C14orf39: variants seen among roughly 807,000 people sequenced by gnomAD.
C14orf39 encodes protein SIX6OS1.
A neutral mutation model predicts 85.6 loss-of-function variants in C14orf39; 66 were observed. That is an observed-to-expected ratio of 0.77 (90% confidence interval 0.63 to 0.95). The LOEUF (loss-of-function observed/expected upper bound fraction) is 0.95, where lower values mean the gene tolerates loss of function less well. Among genes scored for constraint, C14orf39 ranks in the 40% least tolerant of loss-of-function variants. The pLI is 0.00. For synonymous variants in C14orf39, 242 were observed against 214.0 expected, an observed-to-expected ratio of 1.13 and a Z score of -1.14; for missense variants, 735 against 663.9, an observed-to-expected ratio of 1.11 and a Z score of -1.18.
intron 1 of C14orf39, among the ~76,000 whole-genome samples, chr14:60,510,661 C>A (rs1175579761): frequency 7.9e-5 from 12 of 152,190 alleles, no homozygotes; most frequent in African/African-American, 2.9e-4. Flanking sequence ...AACGCGATCG[C>A]GGGAGCACTT....
At chr14:60,448,101 C>T (rs554223265) in intron 16 of C14orf39, among the ~76,000 whole-genome samples, 2 of 152,236 alleles carry the variant, frequency 1.3e-5, no homozygotes, top group East Asian at 3.9e-4. Context: ...TAGAAGAAAA[C>T]CTAGGCAATA....
At chr14:60,493,747 G>A (rs1232458974) in intron 2 of C14orf39, 1 of 152,082 alleles carries the variant, frequency 6.6e-6, no homozygotes, top group African/African-American at 2.4e-5. Context: ...TAAGAAAAAG[G>A]AAAACAGGAA....
chr14:60,450,531 T>A (rs2140051646), intron 16 of C14orf39, among the ~76,000 whole-genome samples: 1 of 152,298 alleles, frequency 6.6e-6, no homozygotes, highest in Non-Finnish European at 1.5e-5. Flanking sequence ...CTAAGGTTTT[T>A]GACTCCAATC....
chr14:60,439,566 C>T (rs772601089), intron 17 of C14orf39, among the ~76,000 whole-genome samples: 1 of 152,076 alleles, frequency 6.6e-6, no homozygotes, highest in African/African-American at 2.4e-5. Flanking sequence ...AATGGAGATA[C>T]CATCAGGGAC....
intron 1 of C14orf39, chr14:60,511,453 G>A (rs1893293726): frequency 1.5e-6 from 1 of 659,978 alleles, no homozygotes; most frequent in Non-Finnish European, 2.7e-6. Flanking sequence ...CGCGACCACG[G>A]GAACCAGCGG....
chr14:60,476,902 T>C (rs954022364), intron 5 of C14orf39, among the ~76,000 whole-genome samples: 4 of 152,162 alleles, frequency 2.6e-5, no homozygotes, highest in Non-Finnish European at 4.4e-5. Flanking sequence ...CCACACTGAT[T>C]ATATTTCCAC....
intron 1 of C14orf39, among the ~76,000 whole-genome samples, chr14:60,506,822 C>A (rs1893210021): frequency 6.6e-6 from 1 of 152,210 alleles, no homozygotes; most frequent in African/African-American, 2.4e-5. Flanking sequence ...CACGCAGAAG[C>A]TAAAGCGCCC....
chr14:60,477,257 T>C (rs893014617), intron 5 of C14orf39, among the ~76,000 whole-genome samples: 8 of 152,192 alleles, frequency 5.3e-5, no homozygotes, highest in Non-Finnish European at 8.8e-5. Context: ...TCTCATGTAT[T>C]TCCATGATTT....
At chr14:60,512,936 T>G (rs1257420566) in intron 1 of C14orf39, 1 of 152,220 alleles carries the variant, frequency 6.6e-6, no homozygotes, top group African/African-American at 2.4e-5. Context: ...GAAGATGTTC[T>G]TTGGATCAGA....
At chr14:60,445,292 C>T (rs1281286705) in intron 16 of C14orf39, among the ~76,000 whole-genome samples, 1 of 152,054 alleles carries the variant, frequency 6.6e-6, no homozygotes, top group African/African-American at 2.4e-5. Context: ...AGAGTCAAGA[C>T]CCATCACTGT....
At chr14:60,483,944 G>C in intron 3 of C14orf39, 127 bp from the exon 4 acceptor site, 2 of 612,132 alleles carry the variant, frequency 3.3e-6, no homozygotes, top group East Asian at 3.1e-5. Flanking sequence ...GAGGAAACGA[G>C]GCTTGAGATG....
intron 5 of C14orf39, among the ~76,000 whole-genome samples, chr14:60,472,197 T>C (rs1892119323): frequency 6.6e-6 from 1 of 151,434 alleles, no homozygotes; most frequent in Admixed American, 6.6e-5. Context: ...CAATTTTCAT[T>C]AGCTAAAATT....
intron 1 of C14orf39, among the ~76,000 whole-genome samples, chr14:60,485,298 G>A (rs959846130): frequency 1.3e-5 from 2 of 152,228 alleles, no homozygotes; most frequent in Non-Finnish European, 2.9e-5. Flanking sequence ...TCGTTGTTGA[G>A]TCGGGGCACG....
chr14:60,469,594 CT>C lies in C14orf39; in HGVS notation c.613del (p.Ser205ValfsTer5). 1 of 1,520,506 alleles carries C rather than the reference CT, an allele frequency of 6.6e-7. No homozygotes were observed. The highest frequency in any genetic ancestry group is 8.9e-7 in the Non-Finnish European group (1 of 1,126,756). 94.2% of individuals were successfully genotyped at this position (1,520,506 alleles called of 1,614,324 possible). On this transcript the variant is annotated frameshift_variant, in exon 8 of 18. Coordinates refer to ENST00000321731, the MANE Select transcript of C14orf39 (RefSeq NM_174978.3). LOFTEE classifies it high-confidence loss of function. ...TACTTCTTTCTTCAATTCGGATGAA[CT>C]TTTGGTAAGATTGCTGGCATGTTTA... The part of the protein sequence containing the change: ...ILKHASNLTK[S>X]SSELKKEVDE...
intron 1 of C14orf39, chr14:60,512,345 G>A (rs982383457): frequency 2.0e-5 from 3 of 152,178 alleles, no homozygotes; most frequent in African/African-American, 7.2e-5. Context: ...AAAGCAGCAG[G>A]CACCCATGAT....
chr14:60,436,930 C>G lies in C14orf39; in HGVS notation c.1679G>C (p.Gly560Ala). ...AGAAGGTATTGAATTTTGACCCTGTCCAAATGAAAATGGAAAACTAAAATC... is the reference window on the plus strand; with the variant it reads ...AGAAGGTATTGAATTTTGACCCTGTGCAAATGAAAATGGAAAACTAAAATC... The part of the protein sequence containing the change: ...KDDFSFPFSF[G>A]QGQNSIPSSS... The change falls in exon 18 of 18, where the codon GGA becomes GCA. Residue 560 changes from glycine to alanine, a missense_variant. Gly to Ala is a moderately conservative substitution (Grantham distance 60). Transcript: ENST00000321731. 1.9e-6 allele frequency: 3 copies of G among 1,612,666 alleles called. No homozygotes were observed. The highest frequency in any genetic ancestry group is 1.7e-5 in the Admixed American group (1 of 59,950).
rs139135666 is a variant in C14orf39, at chr14:60,491,296, G to A, written c.-8-6210C>T. Among the ~76,000 whole-genome samples, 11 of 152,212 alleles carry A rather than the reference G, an allele frequency of 7.2e-5. No homozygotes were observed. Among genetic ancestry groups the A allele is most frequent in the Non-Finnish European group, 1.3e-4 (9 of 67,994 alleles). ...AAATGGTGTCTTGTTGCTGTCCTCC[G>A]GAGAGGACAAATGCTATGTCCCAAC... On this transcript the variant is annotated intron_variant, in intron 2 of 5. Coordinates refer to the C14orf39 transcript ENST00000556799. The surrounding 1 kb of genome is among the most constrained non-coding windows in gnomAD (Gnocchi z 4.5).
chr14:60,437,407 G>A (rs1169236737), intron 17 of C14orf39, among the ~76,000 whole-genome samples: 1 of 151,978 alleles, frequency 6.6e-6, no homozygotes, highest in Non-Finnish European at 1.5e-5. Context: ...CAGCTTAGCA[G>A]GAGCAGTGAG....
At chr14:60,509,908 G>C in intron 1 of C14orf39, 1 of 1,612,246 alleles carries the variant, frequency 6.2e-7, no homozygotes. Context: ...TGACCCCTAC[G>C]CAGGTGGGCA....
Sources: allele counts gnomAD v4.1 joint callset (sites outside exome capture counted in the v4.1 genomes callset), GRCh38; gene constraint gnomAD v4.1.1; non-coding constraint Gnocchi (gnomAD v3.1); transcripts MANE v1.5; gene names NCBI Gene and HGNC (gene_info 2026-07-23, HGNC 2026-07-21).